Variants in SPAG16 observed in about 807,000 individuals in gnomAD.
SPAG16 encodes sperm-associated antigen 16 protein.
SPAG16 carries 86 observed loss-of-function variants against 80.4 expected under a neutral mutation model. That is an observed-to-expected ratio of 1.07 (90% CI 0.90 to 1.28). SPAG16 has a LOEUF of 1.28. SPAG16 is among the 50% of genes most tolerant of loss of function. SPAG16 has a pLI of 0.00. For missense variants in SPAG16, 870 were observed against 765.3 expected (o/e 1.14, Z -1.61); for synonymous variants, 294 against 265.9 (o/e 1.11, Z -1.03).
chr2:213,483,840 G>A (rs548086101), intron 9 of SPAG16, among the ~76,000 whole-genome samples: 1 of 152,028 alleles, frequency 6.6e-6, no homozygotes, highest in African/African-American at 2.4e-5. Flanking sequence ...AATTTTTGTG[G>A]GTTAGCCTTT....
At chr2:213,635,279 C>A (rs2062318543) in intron 10 of SPAG16, among the ~76,000 whole-genome samples, 1 of 152,124 alleles carries the variant, frequency 6.6e-6, no homozygotes. Flanking sequence ...TTGTGATCTG[C>A]CTGCCTTAGG....
chr2:213,766,652 A>G (rs2125538750), intron 10 of SPAG16, among the ~76,000 whole-genome samples: 1 of 152,266 alleles, frequency 6.6e-6, no homozygotes, highest in South Asian at 2.1e-4. Flanking sequence ...AGGCTCTAGT[A>G]GTTTTATGAG....
intron 14 of SPAG16, among the ~76,000 whole-genome samples, chr2:214,121,646 C>T (rs1183073449): frequency 2.0e-5 from 3 of 151,770 alleles, no homozygotes; most frequent in Non-Finnish European, 4.4e-5. Context: ...ATTATTATTA[C>T]TAAAGTCTGA....
chr2:213,500,527 C>A (rs769559973), intron 10 of SPAG16, among the ~76,000 whole-genome samples: 3 of 152,200 alleles, frequency 2.0e-5, no homozygotes, highest in Non-Finnish European at 4.4e-5. Context: ...TGGTTGTATA[C>A]TCAATTCCTA....
chr2:213,778,823 A>T (rs1357187309), intron 10 of SPAG16, among the ~76,000 whole-genome samples: 1 of 152,174 alleles, frequency 6.6e-6, no homozygotes, highest in Non-Finnish European at 1.5e-5. Flanking sequence ...CCTTGAGTTA[A>T]TATTAATGAA....
chr2:213,477,356 G>T (rs2073461526), intron 9 of SPAG16, among the ~76,000 whole-genome samples: 1 of 152,134 alleles, frequency 6.6e-6, no homozygotes, highest in Non-Finnish European at 1.5e-5. Flanking sequence ...CCTCAGAATG[G>T]TAGATCCACT....
At chr2:213,551,558 G>A (rs2076780562) in intron 10 of SPAG16, among the ~76,000 whole-genome samples, 1 of 152,102 alleles carries the variant, frequency 6.6e-6, no homozygotes, top group Non-Finnish European at 1.5e-5. Context: ...TCATAATTCT[G>A]TCAAAATCTG....
intron 10 of SPAG16, among the ~76,000 whole-genome samples, chr2:213,829,715 G>A (rs2073517102): frequency 6.6e-6 from 1 of 152,224 alleles, no homozygotes; most frequent in South Asian, 2.1e-4. Flanking sequence ...TCATCAGTAG[G>A]TAATGAATCC....
At chr2:214,194,758 G>C (rs1010873128) in intron 15 of SPAG16, among the ~76,000 whole-genome samples, 3 of 152,022 alleles carry the variant, frequency 2.0e-5, no homozygotes, top group Non-Finnish European at 4.4e-5. Flanking sequence ...CATATTGTTA[G>C]ATTTTAAGAA....
intron 14 of SPAG16, among the ~76,000 whole-genome samples, chr2:214,137,924 GA>G (rs1219496308): frequency 6.6e-6 from 1 of 151,766 alleles, no homozygotes; most frequent in Admixed American, 6.6e-5. Flanking sequence ...TAATTTGATA[GA>G]AAAAAAGGAC....
intron 10 of SPAG16, among the ~76,000 whole-genome samples, chr2:213,852,902 T>C (rs1448391476): frequency 6.6e-6 from 1 of 152,220 alleles, no homozygotes; most frequent in Non-Finnish European, 1.5e-5. Flanking sequence ...AAGTACTTTA[T>C]ATAAATGCTA....
rs1477117302 is a variant in SPAG16, at chr2:213,859,209, AAAAAAAAC to A, written c.1071-3275_1071-3268del. ...AAAAAAAAAAAAAAAAAAAAAAAAA[AAAAAAAAC>A]TCAATGTCCTCTGACAACTTGATGT... is the stretch of plus-strand genomic sequence containing the variant. On this transcript the variant is annotated intron_variant, in intron 10 of 15. Transcript: ENST00000331683. Among the ~76,000 whole-genome samples the A allele has an allele frequency of 1.7e-4, 20 of 114,882 alleles. 2 individuals are homozygous for A. Among genetic ancestry groups the A allele is most frequent in the African/African-American group, 3.2e-4 (9 of 28,168 alleles). The allele number at this position is 114,882 out of a possible 152,430, so 75.4% of individuals were successfully genotyped here.
chr2:213,657,345 T>C lies in SPAG16; in HGVS notation c.1070+167255T>C, dbSNP rs540978959. 4.7e-4 allele frequency among the ~76,000 whole-genome samples: 71 copies of C among 152,302 alleles called. No individual in the cohort carries two copies. The South Asian group carries it at 5.8e-3, about 12-fold the overall frequency. The stretch of plus-strand genomic sequence containing the variant: ...TCTGTAAAATGGGGATATAATAATA[T>C]ACTTAAAACCTTAGCAGAGTGCTTG... On this transcript the variant is annotated intron_variant, in intron 10 of 15. Transcript: ENST00000331683.
At chr2:213,886,733 C>T (rs956772399) in intron 11 of SPAG16, among the ~76,000 whole-genome samples, 4 of 150,946 alleles carry the variant, frequency 2.6e-5, no homozygotes, top group East Asian at 1.9e-4. Flanking sequence ...ACTTATAAAC[C>T]GTTTATGAAA....
intron 10 of SPAG16, among the ~76,000 whole-genome samples, chr2:213,847,296 G>A (rs564204670): frequency 3.7e-4 from 57 of 152,216 alleles, no homozygotes; most frequent in African/African-American, 1.3e-3. Flanking sequence ...AAATACCTGG[G>A]TATTTTATAA....
chr2:213,673,354 T>C (rs2063898634), intron 10 of SPAG16, among the ~76,000 whole-genome samples: 1 of 152,198 alleles, frequency 6.6e-6, no homozygotes, highest in Admixed American at 6.5e-5. Context: ...AATGTTACTA[T>C]AGGCAGAGAA....
chr2:214,060,220 CCCAGATGCCT>C (rs2050185471), intron 13 of SPAG16, among the ~76,000 whole-genome samples: 1 of 152,140 alleles, frequency 6.6e-6, no homozygotes, highest in Non-Finnish European at 1.5e-5. Context: ...TCCGGCTCTA[CCCAGATGCCT>C]CCAGCTTGCA....
At chr2:213,318,429 T>G (rs1404342992) in intron 5 of SPAG16, among the ~76,000 whole-genome samples, 2 of 151,900 alleles carry the variant, frequency 1.3e-5, no homozygotes, top group Non-Finnish European at 2.9e-5. Flanking sequence ...ATATTCTCAC[T>G]TATAAGTAGG....
chr2:213,480,498 G>C (rs116679531), intron 9 of SPAG16, among the ~76,000 whole-genome samples: 79 of 152,286 alleles, frequency 5.2e-4, no homozygotes, highest in Non-Finnish European at 9.1e-4. Flanking sequence ...CATTTACTCA[G>C]AGTAATACCA....
Sources: allele counts gnomAD v4.1 joint callset (sites outside exome capture counted in the v4.1 genomes callset), GRCh38; gene constraint gnomAD v4.1.1; transcripts MANE v1.5; gene names NCBI Gene and HGNC (gene_info 2026-07-23, HGNC 2026-07-21).